Variants in BAIAP2L1 observed in about 807,000 individuals in gnomAD.
BAIAP2L1 encodes BAR/IMD domain-containing adapter protein 2-like 1.
A neutral mutation model predicts 66.3 loss-of-function variants in BAIAP2L1; 35 were observed. That is an observed-to-expected ratio of 0.53 (90% CI 0.40 to 0.70). The LOEUF (loss-of-function observed/expected upper bound fraction) is 0.70. Ranked by LOEUF, BAIAP2L1 falls within the 30% of genes least tolerant of loss-of-function variation. The pLI is 0.00. For missense variants in BAIAP2L1, 622 were observed against 656.9 expected (o/e 0.95, Z 0.58); for synonymous variants, 269 against 248.7 (o/e 1.08, Z -0.77).
chr7:98,316,657 T>C (rs1801084174), intron 6 of BAIAP2L1, among the ~76,000 whole-genome samples: 1 of 152,192 alleles, frequency 6.6e-6, no homozygotes, highest in African/African-American at 2.4e-5. Context: ...TTCTAACTAT[T>C]TTGAAATAAT....
intron 1 of BAIAP2L1, among the ~76,000 whole-genome samples, chr7:98,372,239 C>G (rs1316655574): frequency 6.6e-6 from 1 of 151,988 alleles, no homozygotes; most frequent in Non-Finnish European, 1.5e-5. Flanking sequence ...AACCCCCTCC[C>G]TACTAAAAAT....
chr7:98,312,338 T>C, intron 7 of BAIAP2L1, 74 bp from the exon 8 acceptor site: 1 of 1,468,962 alleles, frequency 6.8e-7, no homozygotes, highest in Middle Eastern at 1.8e-4. Flanking sequence ...CATCACGTCA[T>C]ATCGCTGATA....
chr7:98,294,505 G>A (rs1229752457), intron 12 of BAIAP2L1, among the ~76,000 whole-genome samples: 1 of 152,160 alleles, frequency 6.6e-6, no homozygotes, highest in Non-Finnish European at 1.5e-5. Flanking sequence ...CCGTGATGTC[G>A]GGAGCTCACA....
chr7:98,353,357 A>T (rs917689285), intron 3 of BAIAP2L1, among the ~76,000 whole-genome samples: 6 of 139,432 alleles, frequency 4.3e-5, no homozygotes, highest in Middle Eastern at 3.6e-3. Flanking sequence ...TTATATATTT[A>T]TATATATACA....
intron 3 of BAIAP2L1, among the ~76,000 whole-genome samples, chr7:98,322,491 G>A (rs886446461): frequency 4.6e-5 from 7 of 152,120 alleles, no homozygotes; most frequent in Admixed American, 6.6e-5. Context: ...CAATCCCTTG[G>A]GGATAGGAGG....
intron 12 of BAIAP2L1, among the ~76,000 whole-genome samples, chr7:98,301,775 G>C (rs1007955786): frequency 6.6e-6 from 1 of 152,148 alleles, no homozygotes; most frequent in Admixed American, 6.6e-5. Context: ...CCGGGGACTG[G>C]ATGACTGGGA....
At chr7:98,361,100 T>C (rs1287245152) in intron 2 of BAIAP2L1, among the ~76,000 whole-genome samples, 2 of 152,162 alleles carry the variant, frequency 1.3e-5, no homozygotes, top group Non-Finnish European at 2.9e-5. Context: ...CTTAAGTTTA[T>C]AATCCTAGCA....
At chr7:98,387,667 C>T (rs949489512) in intron 1 of BAIAP2L1, among the ~76,000 whole-genome samples, 10 of 151,650 alleles carry the variant, frequency 6.6e-5, no homozygotes, top group Non-Finnish European at 1.3e-4. Context: ...CGAGACCAGC[C>T]TGGCCAACAA....
chr7:98,354,863 G>A (rs1052853118), intron 3 of BAIAP2L1, among the ~76,000 whole-genome samples, 179 bp downstream of exon 3: 2 of 152,118 alleles, frequency 1.3e-5, no homozygotes, highest in African/African-American at 2.4e-5. Context: ...CTCGCCCTCC[G>A]GCACCAGTCC....
At chr7:98,353,581 A>G (rs984808046) in intron 3 of BAIAP2L1, among the ~76,000 whole-genome samples, 1 of 137,848 alleles carries the variant, frequency 7.3e-6, no homozygotes, top group African/African-American at 2.7e-5. Context: ...TTATAAATAC[A>G]TATATATTTA....
chr7:98,292,813 G>C lies in BAIAP2L1; in HGVS notation c.*708C>G. On this transcript the variant is annotated 3_prime_UTR_variant, in exon 14 of 14. Coordinates refer to ENST00000005260, the MANE Select transcript of BAIAP2L1 (RefSeq NM_018842.5). ...ACTCCGACGCCCAGGCCTGTGTCCT[G>C]GATGGGCCGTGTGCAGCGAATCCGT... 4 of 1,510,370 alleles carry C rather than the reference G, an allele frequency of 2.6e-6. No homozygotes were observed. Among genetic ancestry groups the C allele is most frequent in the Non-Finnish European group, 8.9e-7 (1 of 1,126,130 alleles). 93.6% of individuals were successfully genotyped at this position (1,510,370 alleles called of 1,614,324 possible).
intron 1 of BAIAP2L1, among the ~76,000 whole-genome samples, chr7:98,389,813 A>G (rs1802984164): frequency 6.6e-6 from 1 of 152,100 alleles, no homozygotes; most frequent in Admixed American, 6.6e-5. Flanking sequence ...TGACCCCTGA[A>G]AGTAAAGTCT....
rs35466813 is a variant in BAIAP2L1 at position 98,319,548 on chromosome 7, C to CTT, written c.348+508_348+509dup. On this transcript the variant is annotated intron_variant, in intron 5 of 13. Transcript: ENST00000005260. ...TTTCCTGCAATACTTTTTCCTATGCCTTTTTTTTTTTTTTTTGAGATGGAG... is the reference window on the plus strand; with the variant it reads ...TTTCCTGCAATACTTTTTCCTATGCCTTTTTTTTTTTTTTTTTTGAGATGGAG... Among the ~76,000 whole-genome samples the CTT allele has an allele frequency of 9.1e-3, 1,259 of 138,520 alleles. 23 individuals carry two copies. The highest frequency in any genetic ancestry group is 0.025 in the African/African-American group (934 of 37,864). The allele number at this position is 138,520 out of a possible 152,430, so 90.9% of individuals were successfully genotyped here. A position where few individuals can be genotyped will look rare whatever the true frequency, so the allele number is the denominator to read the frequency against.
intron 12 of BAIAP2L1, among the ~76,000 whole-genome samples, chr7:98,294,333 C>G (rs1273875252): frequency 6.6e-6 from 1 of 152,160 alleles, no homozygotes; most frequent in African/African-American, 2.4e-5. Context: ...GTAAAGACAT[C>G]TAAAACATAA....
At position 98,307,765 on chromosome 7, in the gene BAIAP2L1, G is replaced by A. The variant is rs1293247835; in HGVS notation, c.1087C>T (p.Gln363Ter). The change falls in exon 10 of 14, where the codon CAG (glutamine) becomes TAG (stop). Residue 363 changes from glutamine to a stop codon, truncating the protein, a stop_gained. Transcript: ENST00000005260. LOFTEE classifies it high-confidence loss of function. ...ATGAGCAGCGTGATGACATCTCCCT[G>A]TGCAAAGCTGAGTAAGGTCTTGTTG... ...GSNKTLLSFAQGDVITLLIPE... is the reference protein window; with the variant it reads ...GSNKTLLSFA The A allele has an allele frequency of 3.1e-6, 5 of 1,614,156 alleles. No individual in the cohort carries two copies. The African/African-American group carries it at 5.3e-5, about 17-fold the overall frequency.
At chr7:98,400,587 G>C (rs1307347452) in intron 1 of BAIAP2L1, among the ~76,000 whole-genome samples, 1 of 133,112 alleles carries the variant, frequency 7.5e-6, no homozygotes, top group African/African-American at 2.8e-5. Flanking sequence ...AAGTAGGGGG[G>C]AGGGGATGGG....
At chr7:98,386,031 A>G (rs929380868) in intron 1 of BAIAP2L1, 19 of 1,402,350 alleles carry the variant, frequency 1.4e-5, no homozygotes, top group African/African-American at 5.6e-5. Flanking sequence ...GAATCAATTT[A>G]TTGACCACTT....
chr7:98,346,994 AAAC>A (rs71515213), intron 3 of BAIAP2L1, among the ~76,000 whole-genome samples: 57,072 of 151,130 alleles, frequency 0.38, 12,188 homozygotes, highest in Middle Eastern at 0.54. Context: ...GATGCCAGCA[AAAC>A]AACAACAACA....
chr7:98,372,714 T>C (rs1202080032), intron 1 of BAIAP2L1, among the ~76,000 whole-genome samples: 2 of 149,360 alleles, frequency 1.3e-5, no homozygotes, highest in Non-Finnish European at 3.0e-5. Context: ...TAACTGAGGA[T>C]ATGTCAAGAT....
Sources: gnomAD v4.1 joint callset for allele counts (sites outside exome capture counted in the v4.1 genomes callset) on GRCh38, gnomAD v4.1.1 for gene constraint, MANE v1.5 for transcripts, NCBI Gene and HGNC (gene_info 2026-07-23, HGNC 2026-07-21) for gene names.